BBOX1: variants seen among roughly 807,000 people sequenced by gnomAD.
BBOX1 encodes the protein gamma-butyrobetaine hydroxylase 1, also known as gamma-butyrobetaine dioxygenase.
Under a neutral mutation model 41.6 loss-of-function variants are expected in BBOX1, and 35 were observed. The ratio of observed to expected loss-of-function variants is 0.84; its 90% CI spans 0.64 to 1.11. The LOEUF (loss-of-function observed/expected upper bound fraction) is 1.11. Ranked by LOEUF, BBOX1 falls within the 50% of genes most tolerant of loss-of-function variation. BBOX1 has a pLI of 0.00. For missense variants in BBOX1, 458 were observed against 460.6 expected (o/e 0.99, Z 0.05); for synonymous variants, 163 against 154.7 (o/e 1.05, Z -0.40).
intron 5 of BBOX1, among the ~76,000 whole-genome samples, chr11:27,101,485 C>T (rs1465771614): frequency 6.6e-6 from 1 of 152,040 alleles, no homozygotes; most frequent in South Asian, 2.1e-4. Flanking sequence ...ATGTGGAATT[C>T]TCATTAATTA....
intron 3 of BBOX1, 127 bp downstream of exon 3, chr11:27,055,776 T>C: frequency 1.3e-6 from 1 of 760,546 alleles, no homozygotes; most frequent in South Asian, 1.9e-5. Context: ...CACGTTTGTA[T>C]AGTACTTGGT....
intron 5 of BBOX1, among the ~76,000 whole-genome samples, chr11:27,104,370 G>A (rs915956751): frequency 6.6e-6 from 1 of 152,068 alleles, no homozygotes; most frequent in African/African-American, 2.4e-5. Context: ...TGAAAGGTTT[G>A]TCTCTATCCC....
At position 27,052,038 on chromosome 11, in the gene BBOX1, T is replaced by C. The variant is rs763521485; in HGVS notation, c.-38-3355T>C. On this transcript the variant is annotated intron_variant, in intron 2 of 8. Transcript: ENST00000263182. Reference sequence around the variant, plus strand: ...TTAATTTCTCTTTTGATTTTTTTCCTTGACCCATTAGTTGTTCAGGAGTTT... The same window carrying C: ...TTAATTTCTCTTTTGATTTTTTTCCCTGACCCATTAGTTGTTCAGGAGTTT... 2.0e-5 allele frequency among the ~76,000 whole-genome samples: 3 copies of C among 152,226 alleles called. No homozygotes were observed. In the Middle Eastern group the frequency reaches 0.01, roughly 521 times the overall value.
chr11:27,095,064 A>G (rs887533979), intron 5 of BBOX1, among the ~76,000 whole-genome samples: 5 of 152,044 alleles, frequency 3.3e-5, no homozygotes, highest in Non-Finnish European at 7.4e-5. Flanking sequence ...GTGCCCACAG[A>G]TAGTAATAAA....
intron 2 of BBOX1, among the ~76,000 whole-genome samples, chr11:27,048,462 T>C (rs1263649957): frequency 1.7e-5 from 2 of 117,598 alleles, no homozygotes; most frequent in Non-Finnish European, 3.5e-5. Context: ...TTGAATAATA[T>C]TGAGGTGTGT....
intron 4 of BBOX1, among the ~76,000 whole-genome samples, chr11:27,089,928 C>T (rs547772151): frequency 2.7e-4 from 41 of 152,084 alleles, no homozygotes; most frequent in African/African-American, 8.9e-4. Context: ...TTCCTGCCAA[C>T]CTTTTTAATT....
At chr11:27,042,831 T>A (rs1851377100) in intron 2 of BBOX1, among the ~76,000 whole-genome samples, 1 of 152,156 alleles carries the variant, frequency 6.6e-6, no homozygotes. Flanking sequence ...TCAAATGATG[T>A]CAAACTGCAG....
intron 4 of BBOX1, among the ~76,000 whole-genome samples, chr11:27,090,891 G>A (rs1858219601): frequency 6.6e-6 from 1 of 151,838 alleles, no homozygotes; most frequent in Non-Finnish European, 1.5e-5. Context: ...TTCCCTACTT[G>A]CACGTCCATT....
intron 8 of BBOX1, 23 bp from the exon 9 acceptor site, chr11:27,127,270 A>T (rs1564995631): frequency 1.2e-6 from 2 of 1,610,690 alleles, no homozygotes; most frequent in African/African-American, 2.7e-5. Flanking sequence ...AATTATTCAT[A>T]TTGGAAAAAA....
At chr11:27,047,603 T>C (rs149631366) in intron 2 of BBOX1, among the ~76,000 whole-genome samples, 179 of 152,276 alleles carry the variant, frequency 1.2e-3, no homozygotes, top group African/African-American at 4.1e-3. Context: ...TAAAATGTAT[T>C]GAGTTTAATA....
chr11:27,086,410 G>C (rs996027923), intron 4 of BBOX1, among the ~76,000 whole-genome samples: 1 of 152,064 alleles, frequency 6.6e-6, no homozygotes, highest in Non-Finnish European at 1.5e-5. Context: ...TACTGAATCT[G>C]TTCTGCCTGT....
chr11:27,051,075 G>T (rs1372493025), intron 2 of BBOX1, among the ~76,000 whole-genome samples: 1 of 151,948 alleles, frequency 6.6e-6, no homozygotes, highest in Non-Finnish European at 1.5e-5. Flanking sequence ...TGCCACTTCT[G>T]CATCTATTGA....
intron 4 of BBOX1, among the ~76,000 whole-genome samples, chr11:27,089,736 A>C (rs1393901728): frequency 6.6e-6 from 1 of 151,982 alleles, no homozygotes; most frequent in Non-Finnish European, 1.5e-5. Flanking sequence ...GTTTTCAATA[A>C]ATCTTTTAAT....
chr11:27,114,019 C>CA lies in BBOX1; in HGVS notation c.534-1426dup, dbSNP rs543921524. 3.3e-3 allele frequency among the ~76,000 whole-genome samples: 493 copies of CA among 151,650 alleles called. 2 individuals carry two copies. Among genetic ancestry groups the CA allele is most frequent in the Non-Finnish European group, 5.4e-3 (367 of 67,802 alleles). On this transcript the variant is annotated intron_variant, in intron 5 of 8. Transcript: ENST00000263182. ...TATAATAAATCCCATAAAATCCACC[C>CA]AAAAAAAGCTACTAAAGCTAATGAA...
chr11:27,076,616 G>A (rs897147073), intron 4 of BBOX1, among the ~76,000 whole-genome samples: 6 of 152,156 alleles, frequency 3.9e-5, no homozygotes, highest in Non-Finnish European at 8.8e-5. Context: ...CAGACAATGA[G>A]TGGGGCCATA....
At position 27,127,333 on chromosome 11, in the gene BBOX1, C is replaced by A. The variant is rs1365719025; in HGVS notation, c.1044C>A (p.Gly348=). ...TTGATAACTGGCGCTTACTTCATGG[C>A]CGACGTAGCTATGAAGCAGGAACTG... is the stretch of plus-strand genomic sequence containing the variant. ...ITFDNWRLLH[G]RRSYEAGTEI... is the part of the protein sequence containing the mutation. The change falls in exon 9 of 9, where the codon GGC becomes GGA. Residue 348 remains glycine (G), a synonymous_variant. Transcript: ENST00000263182. 6.2e-7 allele frequency: 1 copy of A among 1,613,986 alleles called. No homozygotes were observed. The highest frequency in any genetic ancestry group is 1.3e-5 in the African/African-American group (1 of 74,922).
chr11:27,116,517 A>T (rs921656174), intron 6 of BBOX1, among the ~76,000 whole-genome samples: 2 of 152,104 alleles, frequency 1.3e-5, no homozygotes, highest in South Asian at 4.1e-4. Flanking sequence ...ATGGCTTAAG[A>T]AAACATCCAT....
chr11:27,071,762 C>T (rs1857458579), intron 4 of BBOX1, among the ~76,000 whole-genome samples: 1 of 152,108 alleles, frequency 6.6e-6, no homozygotes, highest in Admixed American at 6.5e-5. Context: ...AAGCCTGGTT[C>T]AACATACAAA....
chr11:27,089,038 G>C (rs1003079490), intron 4 of BBOX1, among the ~76,000 whole-genome samples: 3 of 151,868 alleles, frequency 2.0e-5, no homozygotes, highest in Non-Finnish European at 4.4e-5. Flanking sequence ...TTTTATAAAA[G>C]AGTGAGACAC....
Sources: allele counts gnomAD v4.1 joint callset (sites outside exome capture counted in the v4.1 genomes callset), GRCh38; gene constraint gnomAD v4.1.1; transcripts MANE v1.5; gene names NCBI Gene and HGNC (gene_info 2026-07-23, HGNC 2026-07-21).